The following KANK4 variants were observed in gnomAD, a reference collection of about 807,000 sequenced individuals.
KANK4 encodes KN motif and ankyrin repeat domains 4.
Under a neutral mutation model 80.8 loss-of-function variants are expected in KANK4, and 50 were observed. The ratio of observed to expected loss-of-function variants is 0.62; its 90% CI spans 0.49 to 0.78. KANK4 has a LOEUF of 0.78. KANK4 is among the 30% of genes least tolerant of loss of function. The pLI, the probability that KANK4 is intolerant of heterozygous loss-of-function variation, is 0.00. For synonymous variants in KANK4, 465 were observed against 506.9 expected (o/e 0.92, Z 1.11); for missense variants, 1,196 against 1,240.1 (o/e 0.96, Z 0.53).
At chr1:62,277,421 C>A (rs1003528957) in intron 2 of KANK4, among the ~76,000 whole-genome samples, 4 of 152,182 alleles carry the variant, frequency 2.6e-5, no homozygotes, top group African/African-American at 9.7e-5. Context: ...TTTGGACAAG[C>A]AAGCTTATTT....
intron 1 of KANK4, among the ~76,000 whole-genome samples, chr1:62,315,622 C>T (rs1470815250): frequency 1.3e-5 from 2 of 152,056 alleles, no homozygotes; most frequent in African/African-American, 2.4e-5. Flanking sequence ...AATTGAGTCC[C>T]CCCGCCCACA....
chr1:62,302,470 G>A (rs1644419994), intron 1 of KANK4, among the ~76,000 whole-genome samples: 1 of 152,012 alleles, frequency 6.6e-6, no homozygotes, highest in South Asian at 2.1e-4. Flanking sequence ...AGAAGACTAG[G>A]CAAAGAGAGG....
intron 1 of KANK4, among the ~76,000 whole-genome samples, chr1:62,295,466 A>G (rs980344025): frequency 3.3e-5 from 5 of 152,288 alleles, no homozygotes; most frequent in Admixed American, 6.5e-5. Flanking sequence ...CCTTGCTCAC[A>G]TCTTTTCTTC....
intron 5 of KANK4, among the ~76,000 whole-genome samples, chr1:62,267,631 C>G (rs538474418): frequency 3.9e-5 from 6 of 152,098 alleles, no homozygotes; most frequent in African/African-American, 1.4e-4. Flanking sequence ...GAAACCTCGT[C>G]TCTACTAAAA....
chr1:62,239,586 A>G (rs888374674), intron 9 of KANK4, among the ~76,000 whole-genome samples: 2 of 152,060 alleles, frequency 1.3e-5, no homozygotes, highest in African/African-American at 4.8e-5. Context: ...ACACATGTAT[A>G]TATGTGCCAT....
In KANK4 at chr1:62,238,982, T is replaced by C. The variant is rs79210105; in HGVS notation, c.2884-601A>G. Among the ~76,000 whole-genome samples the C allele has an allele frequency of 1.5e-3, 234 of 152,290 alleles. 1 individual carries two copies. The highest frequency in any genetic ancestry group is 5.5e-3 in the African/African-American group (230 of 41,576). On this transcript the variant is annotated intron_variant, in intron 9 of 9. Transcript: ENST00000371153. ...ACAGGAAATAAAATAACTCTTGCTG[T>C]TCCATTACATGTATCTAAGTGAAAG... is the stretch of plus-strand genomic sequence containing the variant.
chr1:62,252,513 T>C (rs1671646744), intron 8 of KANK4, among the ~76,000 whole-genome samples: 1 of 152,260 alleles, frequency 6.6e-6, no homozygotes, highest in African/African-American at 2.4e-5. Flanking sequence ...TGAGCTAAGC[T>C]GAGGCCTGGA....
intron 2 of KANK4, among the ~76,000 whole-genome samples, chr1:62,275,870 GAGGAAGGA>G (rs1672300131): frequency 1.4e-5 from 2 of 139,034 alleles, no homozygotes; most frequent in South Asian, 5.5e-4. Flanking sequence ...GGAAGGAAGG[GAGGAAGGA>G]AGGGAGGAAG....
chr1:62,238,186 C>T lies in KANK4; in HGVS notation c.*91G>A, dbSNP rs1671249663. 2 of 818,790 alleles carry T rather than the reference C, an allele frequency of 2.4e-6. No individual in the cohort carries two copies. Among genetic ancestry groups the T allele is most frequent in the South Asian group, 3.2e-5 (2 of 62,408 alleles). The allele number at this position is 818,790 out of a possible 1,614,324, so 50.7% of individuals were successfully genotyped here. On this transcript the variant is annotated 3_prime_UTR_variant, in exon 10 of 10. Coordinates refer to ENST00000371153, the MANE Select transcript of KANK4 (RefSeq NM_181712.5). Reference sequence around the variant, plus strand: ...TAGTTTCTTCTCTAGAAGGGTGGCTCTCTGGCCTGTGACCTCTGCCCTCTT... The same window carrying T: ...TAGTTTCTTCTCTAGAAGGGTGGCTTTCTGGCCTGTGACCTCTGCCCTCTT...
intron 1 of KANK4, among the ~76,000 whole-genome samples, chr1:62,303,608 T>C (rs1469016897): frequency 6.6e-6 from 1 of 152,064 alleles, no homozygotes; most frequent in African/African-American, 2.4e-5. Context: ...TAACTACATG[T>C]TACTTAACTA....
intron 1 of KANK4, among the ~76,000 whole-genome samples, chr1:62,286,688 T>A (rs1672575374): frequency 6.6e-6 from 1 of 152,184 alleles, no homozygotes; most frequent in Non-Finnish European, 1.5e-5. Flanking sequence ...CGTAGCCTCC[T>A]TAGAGTTGAA....
rs1375519627 is a variant in KANK4 at position 62,319,347 on chromosome 1, A to G, written c.-312T>C. 3.3e-5 allele frequency: 5 copies of G among 151,780 alleles called. No individual in the cohort carries two copies. Among genetic ancestry groups the G allele is most frequent in the Admixed American group, 6.6e-5 (1 of 15,254 alleles). The allele number at this position is 151,780 out of a possible 1,614,324, so 9.4% of individuals were successfully genotyped here. ...CCTGCGGGCACACCCACCGCGGCGGATGCGGGACTGGCCAGGCGCCGCCAG... is the reference window on the plus strand; with the variant it reads ...CCTGCGGGCACACCCACCGCGGCGGGTGCGGGACTGGCCAGGCGCCGCCAG... On this transcript the variant is annotated 5_prime_UTR_variant, in exon 1 of 10. Coordinates refer to ENST00000371153, the MANE Select transcript of KANK4 (RefSeq NM_181712.5).
intron 4 of KANK4, among the ~76,000 whole-genome samples, chr1:62,269,765 T>G (rs1299209441): frequency 6.6e-6 from 1 of 151,848 alleles, no homozygotes; most frequent in Non-Finnish European, 1.5e-5. Flanking sequence ...ATTTAGGTAG[T>G]GATAAAAACA....
chr1:62,279,535 T>C (rs1672407517), intron 2 of KANK4, among the ~76,000 whole-genome samples: 1 of 152,228 alleles, frequency 6.6e-6, no homozygotes, highest in African/African-American at 2.4e-5. Flanking sequence ...ATTTGAATCA[T>C]GGCTGTCATC....
Position 62,273,393 on chromosome 1 carries a change from G to A in KANK4, c.1711C>T (p.Leu571=), listed in dbSNP as rs1672214792. 2.5e-6 allele frequency: 4 copies of A among 1,607,398 alleles called. No homozygotes were observed. Among genetic ancestry groups the A allele is most frequent in the Non-Finnish European group, 3.4e-6 (4 of 1,175,532 alleles). The change falls in exon 3 of 10, where the codon CTG becomes TTG. Residue 571 remains leucine, a synonymous_variant. Coordinates refer to ENST00000371153, the MANE Select transcript of KANK4 (RefSeq NM_181712.5). ...GQYVKKIQEL[L]QEQWNCLEHG... is the part of the protein sequence containing the mutation. ...TCCAGGCAGTTCCACTGCTCCTGCAGGAGCTCCTGGATCTTCTTCACATAC... is the reference window on the plus strand; with the variant it reads ...TCCAGGCAGTTCCACTGCTCCTGCAAGAGCTCCTGGATCTTCTTCACATAC...
At chr1:62,246,200 G>C (rs1227220653) in intron 9 of KANK4, among the ~76,000 whole-genome samples, 1 of 152,148 alleles carries the variant, frequency 6.6e-6, no homozygotes, top group Non-Finnish European at 1.5e-5. Flanking sequence ...TTACTGATTA[G>C]TTACTATTGT....
intron 1 of KANK4, among the ~76,000 whole-genome samples, chr1:62,307,191 T>G (rs1335521531): frequency 6.6e-6 from 1 of 152,008 alleles, no homozygotes; most frequent in Non-Finnish European, 1.5e-5. Flanking sequence ...CAATCAAAAT[T>G]TTCCTGAGGA....
chr1:62,238,632 C>CTTTT lies in KANK4; in HGVS notation c.2884-255_2884-252dup, dbSNP rs199999610. On this transcript the variant is annotated intron_variant, in intron 9 of 9. Transcript: ENST00000371153. ...GAAGGGCCATCTAGTTTTTAATGCT[C>CTTTT]TTTTTTTTTTTTTTTGAGATGGAGT... is the stretch of plus-strand genomic sequence containing the variant. 5.6e-5 allele frequency among the ~76,000 whole-genome samples: 8 copies of CTTTT among 142,214 alleles called. 1 individual carries two copies. The highest frequency in any genetic ancestry group is 2.1e-4 in the Admixed American group (3 of 14,074). The allele number at this position is 142,214 out of a possible 152,430, so 93.3% of individuals were successfully genotyped here.
chr1:62,307,069 G>A (rs764113034), intron 1 of KANK4, among the ~76,000 whole-genome samples: 1 of 152,238 alleles, frequency 6.6e-6, no homozygotes, highest in Non-Finnish European at 1.5e-5. Flanking sequence ...AGGCCTACCC[G>A]TCATTCCATC....
Sources: gnomAD v4.1 joint callset for allele counts (sites outside exome capture counted in the v4.1 genomes callset) on GRCh38, gnomAD v4.1.1 for gene constraint, MANE v1.5 for transcripts, NCBI Gene and HGNC (gene_info 2026-07-23, HGNC 2026-07-21) for gene names.